Variants in FSTL5 observed in about 807,000 individuals in gnomAD.
The protein encoded by FSTL5 is follistatin like 5.
FSTL5 carries 62 observed loss-of-function variants against 89.1 expected under a neutral mutation model. The observed-to-expected ratio is 0.70, with a 90% CI of 0.57 to 0.86. The LOEUF (loss-of-function observed/expected upper bound fraction) is 0.86, where lower values mean the gene tolerates loss of function less well. Ranked by LOEUF, FSTL5 falls within the 40% of genes least tolerant of loss-of-function variation. The probability of loss-of-function intolerance (pLI) is 0.00; values close to 1 mark genes in which losing one functional copy is unlikely to be tolerated. For missense variants in FSTL5, 1,057 were observed against 1,001.6 expected, an observed-to-expected ratio of 1.06 and a Z score of -0.75; for synonymous variants, 383 against 346.2, an observed-to-expected ratio of 1.11 and a Z score of -1.18.
At chr4:161,468,245 T>A (rs1410247749) in intron 13 of FSTL5, among the ~76,000 whole-genome samples, 2 of 27,576 alleles carry the variant, frequency 7.3e-5, no homozygotes, top group Non-Finnish European at 1.7e-4. Context: ...AGTGCCTACA[T>A]TTTTTTTTTT....
intron 6 of FSTL5, among the ~76,000 whole-genome samples, chr4:161,715,882 G>A (rs866169145): frequency 5.3e-5 from 8 of 152,178 alleles, no homozygotes; most frequent in Admixed American, 2.6e-4. Flanking sequence ...TCTCTAGCCC[G>A]TAGTAGTGCC....
intron 8 of FSTL5, among the ~76,000 whole-genome samples, chr4:161,559,818 C>T (rs1732525721): frequency 1.3e-5 from 2 of 151,856 alleles, no homozygotes; most frequent in Admixed American, 1.3e-4. Context: ...GAAGCTCATT[C>T]TGTAATTACA....
intron 4 of FSTL5, 49 bp from the exon 5 acceptor site, chr4:161,776,123 T>A (rs1382677498): frequency 1.1e-6 from 1 of 925,640 alleles, no homozygotes; most frequent in East Asian, 3.0e-5. Context: ...TGAAAAGAAA[T>A]AGTTTATTTA....
intron 6 of FSTL5, among the ~76,000 whole-genome samples, chr4:161,755,217 A>T (rs1013159544): frequency 1.3e-5 from 2 of 152,104 alleles, no homozygotes; most frequent in Non-Finnish European, 2.9e-5. Flanking sequence ...AAATCAAATT[A>T]TTAACAATAC....
chr4:161,894,012 GT>G (rs1239570468), intron 4 of FSTL5, among the ~76,000 whole-genome samples: 1 of 152,122 alleles, frequency 6.6e-6, no homozygotes, highest in Non-Finnish European at 1.5e-5. Context: ...CATAGGTATG[GT>G]TTTTATCCAA....
chr4:161,557,428 C>T (rs1732431204), intron 8 of FSTL5, among the ~76,000 whole-genome samples: 1 of 151,654 alleles, frequency 6.6e-6, no homozygotes, highest in Admixed American at 6.6e-5. Flanking sequence ...TGTTATTTTA[C>T]ACTTAGTAAA....
chr4:161,869,132 G>A (rs780871121), intron 4 of FSTL5, among the ~76,000 whole-genome samples: 12 of 151,118 alleles, frequency 7.9e-5, no homozygotes, highest in Non-Finnish European at 1.3e-4. Context: ...CCCAAGAGGC[G>A]GAGGTTGCAG....
chr4:161,602,251 GAAA>G (rs1308254316), intron 7 of FSTL5, among the ~76,000 whole-genome samples: 12 of 101,016 alleles, frequency 1.2e-4, no homozygotes, highest in African/African-American at 4.8e-4. Context: ...GAGAGGGAGA[GAAA>G]GAGAGAGAGA....
chr4:161,756,667 C>A lies in FSTL5; in HGVS notation c.727+2744G>T, dbSNP rs10471087. ...CATCCCAAAACGCAGTACTATTTTTCCCCTTGACAGGTGCAAGCAGTAGTA... is the reference window on the plus strand; with the variant it reads ...CATCCCAAAACGCAGTACTATTTTTACCCTTGACAGGTGCAAGCAGTAGTA... On this transcript the variant is annotated intron_variant, in intron 6 of 15. Transcript: ENST00000306100. Among the ~76,000 whole-genome samples, 259 of 152,158 alleles carry A rather than the reference C, an allele frequency of 1.7e-3. 1 individual carries two copies. The highest frequency in any genetic ancestry group is 6.1e-3 in the African/African-American group (254 of 41,540).
intron 10 of FSTL5, among the ~76,000 whole-genome samples, chr4:161,534,408 T>C (rs931851421): frequency 1.3e-5 from 2 of 152,010 alleles, no homozygotes; most frequent in African/African-American, 2.4e-5. Flanking sequence ...ATACAAAAAC[T>C]AGCAACATTT....
intron 8 of FSTL5, among the ~76,000 whole-genome samples, chr4:161,579,731 C>CAAAAAAAAAAAAAAAA (rs33926609): frequency 1.0e-5 from 1 of 98,832 alleles, no homozygotes; most frequent in African/African-American, 3.3e-5. Context: ...CAAAAACAAA[C>CAAAAAAAAAAAAAAAA]AAAAAAAAAA....
At chr4:161,889,886 C>T (rs560527276) in intron 4 of FSTL5, among the ~76,000 whole-genome samples, 5 of 152,094 alleles carry the variant, frequency 3.3e-5, no homozygotes, top group East Asian at 1.9e-4. Flanking sequence ...CTCCTAAAAC[C>T]GTATGGTTTA....
At chr4:161,916,410 T>C (rs1733841226) in intron 4 of FSTL5, among the ~76,000 whole-genome samples, 1 of 152,186 alleles carries the variant, frequency 6.6e-6, no homozygotes, top group Non-Finnish European at 1.5e-5. Context: ...AAATTGTACT[T>C]GCTTTAAGGG....
rs535056452 is a variant in FSTL5 at position 161,443,841 on chromosome 4, C to T, written c.1841+11163G>A. On this transcript the variant is annotated intron_variant, in intron 15 of 15. Coordinates refer to ENST00000306100, the MANE Select transcript of FSTL5 (RefSeq NM_020116.5). ...ATGTGAAAGCAGGAAAGTATAGGGG[C>T]TACTCAGGTTCTTCTTGGCTGGACC... 1.4e-3 allele frequency among the ~76,000 whole-genome samples: 218 copies of T among 151,956 alleles called. 1 individual carries two copies. Among genetic ancestry groups the T allele is most frequent in the African/African-American group, 5.0e-3 (208 of 41,488 alleles).
At chr4:161,695,255 T>C (rs549517987) in intron 6 of FSTL5, among the ~76,000 whole-genome samples, 113 of 152,240 alleles carry the variant, frequency 7.4e-4, no homozygotes, top group Non-Finnish European at 1.2e-3. Context: ...GTCATTCTTA[T>C]GCCTTTGCAT....
At chr4:162,112,402 C>T (rs925742862) in intron 1 of FSTL5, among the ~76,000 whole-genome samples, 11 of 151,996 alleles carry the variant, frequency 7.2e-5, no homozygotes, top group African/African-American at 2.2e-4. Flanking sequence ...GCCATCAGGC[C>T]GAATTAATGT....
rs569366659 is a variant in FSTL5 at position 161,519,350 on chromosome 4, C to A, written c.1313-8926G>T. Among the ~76,000 whole-genome samples, 3 of 152,062 alleles carry A rather than the reference C, an allele frequency of 2.0e-5. No individual in the cohort carries two copies. The East Asian group carries it at 5.8e-4, about 30-fold the overall frequency. ...GACCATCCTGGCTAACCTGGTGAAA[C>A]CCTGTCTCTACTAAAAATATAAAAA... is the stretch of plus-strand genomic sequence containing the variant. On this transcript the variant is annotated intron_variant, in intron 10 of 15. Transcript: ENST00000306100.
chr4:161,492,118 A>C (rs1428599960), intron 12 of FSTL5, among the ~76,000 whole-genome samples: 2 of 152,128 alleles, frequency 1.3e-5, no homozygotes, highest in Non-Finnish European at 2.9e-5. Flanking sequence ...AATTAGGAGA[A>C]ATTCAGTAGT....
chr4:161,642,106 A>G (rs147263440), intron 7 of FSTL5, among the ~76,000 whole-genome samples: 22 of 152,322 alleles, frequency 1.4e-4, no homozygotes, highest in African/African-American at 3.8e-4. Flanking sequence ...ATATATGTGT[A>G]CATTGTGAAA....
Sources: allele counts gnomAD v4.1 joint callset (sites outside exome capture counted in the v4.1 genomes callset), GRCh38; gene constraint gnomAD v4.1.1; transcripts MANE v1.5; gene names NCBI Gene and HGNC (gene_info 2026-07-23, HGNC 2026-07-21).